Variants in PLK4 observed in about 807,000 individuals in gnomAD.
The protein encoded by PLK4 is polo like kinase 4.
A neutral mutation model predicts 103.0 loss-of-function variants in PLK4; 51 were observed. The observed-to-expected ratio is 0.50, with a 90% confidence interval of 0.40 to 0.63. The LOEUF (loss-of-function observed/expected upper bound fraction) is 0.63. Ranked by LOEUF, PLK4 falls within the 20% of genes least tolerant of loss-of-function variation. The probability of loss-of-function intolerance (pLI) is 0.00; values close to 1 mark genes in which losing one functional copy is unlikely to be tolerated. For missense variants in PLK4, 1,054 were observed against 1,151.0 expected (o/e 0.92, Z 1.22); for synonymous variants, 389 against 376.8 (o/e 1.03, Z -0.38).
chr4:127,890,274 T>G (rs1735305669), intron 7 of PLK4, 38 bp downstream of exon 7: 1 of 1,501,424 alleles, frequency 6.7e-7, no homozygotes, highest in Non-Finnish European at 9.0e-7. Flanking sequence ...AAATAACATT[T>G]TACTTGAGAA....
At chr4:127,895,452 CTTTTTTTTTTTTTTTTT>C (rs70966059) in intron 14 of PLK4, among the ~76,000 whole-genome samples, 3,008 of 65,268 alleles carry the variant, frequency 0.046, 100 homozygotes, top group Non-Finnish European at 0.06. Context: ...GAGTAACTTT[CTTTTTTTTTTTTTTTTT>C]TTTTTTTTTT....
Position 127,886,500 on chromosome 4 carries a change from A to C in PLK4, c.1130A>C (p.Tyr377Ser). 1 of 1,613,898 alleles carries C rather than the reference A, an allele frequency of 6.2e-7. No individual in the cohort carries two copies. The highest frequency in any genetic ancestry group is 8.5e-7 in the Non-Finnish European group (1 of 1,179,746). Residue 377 changes from tyrosine to serine, a missense_variant, in exon 5 of 16, where the codon TAT becomes TCT. Around this residue, in one of 4 missense-constraint regions of PLK4, gnomAD observed 680 missense variants for 660.3 expected, o/e 1.03. Transcript: ENST00000270861. ...CATTCTCGATACCTTCGTAGAGCTT[A>C]TTCCTCTGATAGATCTGGCACTTCT... is the stretch of plus-strand genomic sequence containing the variant. ...RPHSRYLRRA[Y>S]SSDRSGTSNS...
At position 127,893,416 on chromosome 4, in the gene PLK4, G is replaced by A; in HGVS notation, c.2320G>A (p.Glu774Lys). The A allele has an allele frequency of 1.2e-6, 2 of 1,603,336 alleles. No individual in the cohort carries two copies. Among genetic ancestry groups the A allele is most frequent in the Non-Finnish European group, 1.7e-6 (2 of 1,173,578 alleles). ...EIKMYMDHAN[E>K]GHRICLALES... ...AAAAATGTATATGGACCATGCTAAT[G>A]AGGTACATACCTAATTGTAGGTTTT... Residue 774 changes from glutamate (E) to lysine (K), a missense_variant and splice_region_variant, in exon 11 of 16, where the codon GAG becomes AAG. Coordinates refer to ENST00000270861, the MANE Select transcript of PLK4 (RefSeq NM_014264.5).
In PLK4 at chr4:127,893,526, G is replaced by T. The variant is rs1485821623; in HGVS notation, c.2336G>T (p.Cys779Phe). The T allele has an allele frequency of 1.9e-6, 3 of 1,611,844 alleles. No homozygotes were observed. Among genetic ancestry groups the T allele is most frequent in the Non-Finnish European group, 2.5e-6 (3 of 1,178,780 alleles). ...MDHANEGHRI[C>F]LALESIISEE... ...CTTTTGAAATAGGGTCATCGTATTTGTTTAGCACTGGAATCCATAATTTCA... is the reference window on the plus strand; with the variant it reads ...CTTTTGAAATAGGGTCATCGTATTTTTTTAGCACTGGAATCCATAATTTCA... Residue 779 changes from cysteine (C) to phenylalanine (F), a missense_variant, in exon 12 of 16, where the codon TGT (cysteine) becomes TTT (phenylalanine). Physicochemically the swap from Cys to Phe is radical, Grantham distance 205 (BLOSUM62 -2). This residue lies in a region of PLK4 where 680 missense variants were observed against 660.3 expected (regional missense o/e 1.03). Coordinates refer to ENST00000270861, the MANE Select transcript of PLK4 (RefSeq NM_014264.5).
At chr4:127,895,464 T>C (rs1013166322) in intron 14 of PLK4, among the ~76,000 whole-genome samples, 1 of 134,922 alleles carries the variant, frequency 7.4e-6, no homozygotes, top group Non-Finnish European at 1.6e-5. Context: ...TTTTTTTTTT[T>C]TTTTTTTTTT....
At chr4:127,895,136 C>T in intron 14 of PLK4, 43 bp downstream of exon 14, 1 of 1,374,938 alleles carries the variant, frequency 7.3e-7, no homozygotes, top group Non-Finnish European at 9.8e-7. Flanking sequence ...GTATGAATTT[C>T]TTTTCATTTT....
intron 6 of PLK4, among the ~76,000 whole-genome samples, chr4:127,888,214 C>CAAAAAAAAAAAAAAAA (rs1304799289): frequency 1.0e-4 from 4 of 38,856 alleles, no homozygotes; most frequent in Non-Finnish European, 2.6e-4. Flanking sequence ...AAAAAAAAAG[C>CAAAAAAAAAAAAAAAA]ATTTTCAGTA....
chr4:127,886,257 C>T lies in PLK4; in HGVS notation c.887C>T (p.Ala296Val), dbSNP rs748863453. Residue 296 changes from alanine to valine, a missense_variant, in exon 5 of 16, where the codon GCT becomes GTT. Physicochemically the swap from Ala to Val is moderately conservative, Grantham distance 64. Coordinates refer to ENST00000270861, the MANE Select transcript of PLK4 (RefSeq NM_014264.5). ...GCCACAATTTCTACTGCAATTACAG[C>T]TTCTTCCAGTACCAGTATAAGTGGT... ...GHATISTAITASSSTSISGSL... is the reference protein window; with the variant it reads ...GHATISTAITVSSSTSISGSL... The T allele has an allele frequency of 6.2e-7, 1 of 1,613,706 alleles. No individual in the cohort carries two copies. The highest frequency in any genetic ancestry group is 1.1e-5 in the South Asian group (1 of 91,058).
At position 127,880,897 on chromosome 4, in the gene PLK4, C is replaced by G. The variant is rs973969365; in HGVS notation, c.-238C>G. 1.8e-6 allele frequency: 1 copy of G among 564,602 alleles called. No homozygotes were observed. Among genetic ancestry groups the G allele is most frequent in the Non-Finnish European group, 3.2e-6 (1 of 315,530 alleles). The allele number at this position is 564,602 out of a possible 1,614,324, so 35.0% of individuals were successfully genotyped here. A position where few individuals can be genotyped will look rare whatever the true frequency, so the allele number is the denominator to read the frequency against. On this transcript the variant is annotated 5_prime_UTR_variant, in exon 1 of 16. Transcript: ENST00000270861. The stretch of plus-strand genomic sequence containing the variant: ...AGCGATCCATCTCGTTACGTCACCA[C>G]CAGCCTAGCTCGGACGGCAAGCGGC...
At chr4:127,888,194 A>AAAG (rs1443293930) in intron 6 of PLK4, among the ~76,000 whole-genome samples, 1 of 139,964 alleles carries the variant, frequency 7.1e-6, no homozygotes, top group Non-Finnish European at 1.6e-5. Flanking sequence ...AAAAAAAAAA[A>AAAG]AAAAAAAAAA....
At chr4:127,885,563 T>A in intron 4 of PLK4, 145 bp from the exon 5 acceptor site, 1 of 627,892 alleles carries the variant, frequency 1.6e-6, no homozygotes. Context: ...GTAATTGAAG[T>A]GGCTGGTAAA....
At position 127,886,040 on chromosome 4, in the gene PLK4, G is replaced by A. The variant is rs1347790595; in HGVS notation, c.670G>A (p.Val224Ile). The A allele has an allele frequency of 1.2e-6, 2 of 1,613,864 alleles. No homozygotes were observed. The change falls in exon 5 of 16, where the codon GTA becomes ATA. Residue 224 changes from valine to isoleucine, a missense_variant. By Grantham distance (29) the Val-to-Ile change is conservative. Around this residue, in one of 4 missense-constraint regions of PLK4, gnomAD observed 680 missense variants for 660.3 expected, o/e 1.03. Transcript: ENST00000270861. Reference protein sequence around the residue: ...DTVKNTLNKVVLADYEMPSFL... With the variant: ...DTVKNTLNKVILADYEMPSFL... ...AGTCAAGAACACATTAAATAAAGTA[G>A]TATTGGCAGATTATGAAATGCCATC...
chr4:127,892,371 A>C lies in PLK4; in HGVS notation c.2045A>C (p.Tyr682Ser). The change falls in exon 10 of 16, where the codon TAC becomes TCC. Residue 682 changes from tyrosine (Y) to serine (S), a missense_variant. Tyr to Ser is a moderately radical substitution (Grantham distance 144). Transcript: ENST00000270861. ...RYSFDNLPEK[Y>S]WRKYQYASRF... Reference sequence around the variant, plus strand: ...AAGTATTTTTTTTCCTTAGAAAAATACTGGCGAAAATATCAATATGCTTCC... The same window carrying C: ...AAGTATTTTTTTTCCTTAGAAAAATCCTGGCGAAAATATCAATATGCTTCC... 6.4e-7 allele frequency: 1 copy of C among 1,558,936 alleles called. No individual in the cohort carries two copies. The highest frequency in any genetic ancestry group is 8.6e-7 in the Non-Finnish European group (1 of 1,158,238).
chr4:127,882,838 T>G (rs902335952), intron 2 of PLK4, among the ~76,000 whole-genome samples: 3 of 152,164 alleles, frequency 2.0e-5, no homozygotes, highest in East Asian at 1.9e-4. Flanking sequence ...GAGGATAGAT[T>G]GTGCCTGGGA....
At chr4:127,887,548 CA>C (rs1440158292) in intron 6 of PLK4, 52 bp downstream of exon 6, 1 of 1,013,998 alleles carries the variant, frequency 9.9e-7, no homozygotes, top group South Asian at 1.4e-5. Flanking sequence ...GGAAACTTAC[CA>C]AGCATTGCAG....
chr4:127,891,127 G>A lies in PLK4; in HGVS notation c.1866G>A (p.Glu622=). ...TTGATTCAGAGGAGGTGTGTGTGGA[G>A]CTTGTAAAGGAGTATGCATCTCAAG... The part of the protein sequence containing the change: ...SILDSEEVCV[E]LVKEYASQEY... Residue 622 remains glutamate (E), a synonymous_variant, in exon 8 of 16, where the codon GAG becomes GAA. Coordinates refer to ENST00000270861, the MANE Select transcript of PLK4 (RefSeq NM_014264.5). 6.3e-7 allele frequency: 1 copy of A among 1,596,472 alleles called. No individual in the cohort carries two copies. Among genetic ancestry groups the A allele is most frequent in the Non-Finnish European group, 8.6e-7 (1 of 1,168,352 alleles).
rs70966059 is a variant in PLK4 at position 127,895,452 on chromosome 4, C to CTTTTTTTTTTTTTTTTTTTT, written c.2703+368_2703+387dup. ...TAATCAATATTAGTAGAGTAACTTT[C>CTTTTTTTTTTTTTTTTTTTT]TTTTTTTTTTTTTTTTTTTTTTTTT... On this transcript the variant is annotated intron_variant, in intron 14 of 15. Coordinates refer to ENST00000270861, the MANE Select transcript of PLK4 (RefSeq NM_014264.5). Among the ~76,000 whole-genome samples, 6 of 65,204 alleles carry CTTTTTTTTTTTTTTTTTTTT rather than the reference C, an allele frequency of 9.2e-5. 1 individual carries two copies. Among genetic ancestry groups the CTTTTTTTTTTTTTTTTTTTT allele is most frequent in the African/African-American group, 2.0e-4 (3 of 15,062 alleles). 42.8% of individuals were successfully genotyped at this position (65,204 alleles called of 152,430 possible).
chr4:127,897,484 C>T (rs557889528), intron 15 of PLK4, among the ~76,000 whole-genome samples: 4 of 152,288 alleles, frequency 2.6e-5, no homozygotes, highest in Admixed American at 6.5e-5. Context: ...AGGGTACTGA[C>T]GATGCCAATG....
intron 9 of PLK4, 85 bp from the exon 10 acceptor site, chr4:127,892,280 C>G: frequency 1.2e-6 from 1 of 846,744 alleles, no homozygotes; most frequent in Non-Finnish European, 1.8e-6. Context: ...TCTAATGTAA[C>G]CCTATTAGAA....
Sources: gnomAD v4.1 joint callset for allele counts (sites outside exome capture counted in the v4.1 genomes callset) on GRCh38, gnomAD v4.1.1 for gene constraint, gnomAD v4.1.1 regional missense constraint, MANE v1.5 for transcripts, NCBI Gene and HGNC (gene_info 2026-07-23, HGNC 2026-07-21) for gene names.